SDR42E2: variants seen among roughly 807,000 people sequenced by gnomAD.
SDR42E2 encodes short chain dehydrogenase/reductase family 42E, member 2.
In SDR42E2, 20 loss-of-function variants were observed where a neutral mutation model predicts 10.5. That is an observed-to-expected ratio of 1.90 (90% CI 1.34 to 2.77). SDR42E2 has a LOEUF of 2.77. Among genes scored for constraint, SDR42E2 ranks in the 30% most tolerant of loss-of-function variants. The pLI, the probability that SDR42E2 is intolerant of heterozygous loss-of-function variation, is 0.00. For synonymous variants in SDR42E2, 72 were observed against 39.2 expected (o/e 1.84, Z -3.12); for missense variants, 162 against 104.2 (o/e 1.55, Z -2.42).
chr16:22,173,312 T>C (rs1402227287), intron 7 of SDR42E2, among the ~76,000 whole-genome samples: 1 of 152,232 alleles, frequency 6.6e-6, no homozygotes, highest in Admixed American at 6.5e-5. Context: ...CTCTGCCTCC[T>C]GGGTTCAATA....
intron 4 of SDR42E2, among the ~76,000 whole-genome samples, chr16:22,167,458 T>C (rs562240619): frequency 6.6e-6 from 1 of 152,286 alleles, no homozygotes; most frequent in South Asian, 2.1e-4. Flanking sequence ...GTGCTGGGAT[T>C]ACAGGCAGGA....
At chr16:22,185,231 T>C (rs1377944387) in intron 11 of SDR42E2, among the ~76,000 whole-genome samples, 2 of 152,084 alleles carry the variant, frequency 1.3e-5, no homozygotes, top group African/African-American at 4.8e-5. Flanking sequence ...GAGGGGATGG[T>C]GGCCCTCCAG....
Position 22,190,490 on chromosome 16 carries a change from GT to G in SDR42E2, c.*100del. 1 of 399,306 alleles carries G rather than the reference GT, an allele frequency of 2.5e-6. No individual in the cohort carries two copies. Among genetic ancestry groups the G allele is most frequent in the Non-Finnish European group, 4.4e-6 (1 of 226,322 alleles). 24.7% of individuals were successfully genotyped at this position (399,306 alleles called of 1,614,324 possible). ...TACCAGCCCCTGCCCCGCCTTCTGG[GT>G]TTGAGCGCGCCTCCGCTCCGCCCCT... is the stretch of plus-strand genomic sequence containing the variant. On this transcript the variant is annotated 3_prime_UTR_variant, in exon 13 of 13. Transcript: ENST00000602312.
At chr16:22,164,785 C>T (rs1294577099) in intron 1 of SDR42E2, among the ~76,000 whole-genome samples, 2 of 152,076 alleles carry the variant, frequency 1.3e-5, no homozygotes, top group Non-Finnish European at 2.9e-5. Flanking sequence ...GTGGATTCTC[C>T]TCCTCCTCCT....
intron 7 of SDR42E2, 119 bp from the exon 8 acceptor site, chr16:22,178,011 G>A (rs2046659383): frequency 1.7e-6 from 1 of 593,118 alleles, no homozygotes; most frequent in African/African-American, 1.9e-5. Flanking sequence ...GAAGCCCCTG[G>A]GCCGGTCTTC....
Position 22,179,236 on chromosome 16 carries a change from G to A in SDR42E2, c.672+1024G>A, listed in dbSNP as rs139631821. Among the ~76,000 whole-genome samples, 268 of 152,168 alleles carry A rather than the reference G, an allele frequency of 1.8e-3. 4 individuals are homozygous for A. In the East Asian group the frequency reaches 0.045, roughly 26 times the overall value. On this transcript the variant is annotated intron_variant, in intron 8 of 12. Coordinates refer to ENST00000602312, the MANE Select transcript of SDR42E2 (RefSeq NM_001394319.2). ...ATTCCTGGCCTCAACCAATCCTCCT[G>A]CCTCAACCTCCCAAGTTGCTGGGAT...
intron 6 of SDR42E2, among the ~76,000 whole-genome samples, chr16:22,171,529 T>C (rs1160982129): frequency 6.6e-6 from 1 of 150,686 alleles, no homozygotes; most frequent in Non-Finnish European, 1.5e-5. Flanking sequence ...TGTTGTTTGT[T>C]TGTTTTGTTT....
chr16:22,165,241 C>G (rs899630957), intron 1 of SDR42E2, among the ~76,000 whole-genome samples: 1 of 152,186 alleles, frequency 6.6e-6, no homozygotes, highest in Non-Finnish European at 1.5e-5. Flanking sequence ...GTGTGCCCCA[C>G]TACACCCGGC....
intron 6 of SDR42E2, among the ~76,000 whole-genome samples, chr16:22,171,171 C>T (rs1015045221): frequency 1.3e-5 from 2 of 152,150 alleles, no homozygotes; most frequent in African/African-American, 4.8e-5. Flanking sequence ...TCAACCTGGC[C>T]GCATTCTACC....
At chr16:22,179,993 C>G (rs1313128388) in intron 8 of SDR42E2, among the ~76,000 whole-genome samples, 1 of 152,024 alleles carries the variant, frequency 6.6e-6, no homozygotes, top group Non-Finnish European at 1.5e-5. Flanking sequence ...ACCTTCCAGA[C>G]AGTGGGAACA....
chr16:22,186,756 C>A lies in SDR42E2; in HGVS notation c.976C>A (p.Pro326Thr). Residue 326 changes from proline (P) to threonine (T), a missense_variant, in exon 12 of 13, where the codon CCC becomes ACC. Physicochemically the swap from Pro to Thr is conservative, Grantham distance 38 (BLOSUM62 -1). Coordinates refer to ENST00000602312, the MANE Select transcript of SDR42E2 (RefSeq NM_001394319.2). ...GGAGCGCCTCCATCTGGCCCTGAGA[C>A]CCATCTGCAGCCTCCCACCGCTGCT... The part of the protein sequence containing the change: ...VMERLHLALR[P>T]ICSLPPLLTR... 2.5e-6 allele frequency: 1 copy of A among 401,178 alleles called. No individual in the cohort carries two copies. The allele number at this position is 401,178 out of a possible 1,614,324, so 24.9% of individuals were successfully genotyped here.
At chr16:22,170,058 A>C (rs1224750849) in intron 5 of SDR42E2, among the ~76,000 whole-genome samples, 1 of 151,590 alleles carries the variant, frequency 6.6e-6, no homozygotes, top group Non-Finnish European at 1.5e-5. Flanking sequence ...ATAAAATTTA[A>C]AAATAAATAA....
intron 12 of SDR42E2, 142 bp downstream of exon 12, chr16:22,186,936 A>G: frequency 2.5e-6 from 1 of 393,030 alleles, no homozygotes. Context: ...AGAACTTTCC[A>G]TGTGGGCCCA....
chr16:22,189,748 T>C (rs553129135), intron 12 of SDR42E2, among the ~76,000 whole-genome samples: 25 of 152,292 alleles, frequency 1.6e-4, no homozygotes, highest in Middle Eastern at 3.4e-3. Context: ...TGCAGATGTT[T>C]CTGGCAGGCG....
intron 5 of SDR42E2, among the ~76,000 whole-genome samples, chr16:22,170,419 G>A (rs1056028651): frequency 2.0e-5 from 3 of 152,072 alleles, no homozygotes; most frequent in Non-Finnish European, 4.4e-5. Flanking sequence ...CACCAAAATC[G>A]CAGACCCATG....
chr16:22,166,918 TGAA>T lies in SDR42E2; in HGVS notation c.260_262del (p.Glu87del), dbSNP rs750486393. ...CTCTGGTGCAGGCTGATGTCCGAGA[TGAA>T]GAAGCCCTGTACCGTGCCTTCGAAG... On this transcript the variant is annotated inframe_deletion, in exon 4 of 13. Coordinates refer to ENST00000602312, the MANE Select transcript of SDR42E2 (RefSeq NM_001394319.2). 13 of 677,256 alleles carry T rather than the reference TGAA, an allele frequency of 1.9e-5. No individual in the cohort carries two copies. In the South Asian group the frequency reaches 2.0e-4, roughly 10 times the overall value. 42.0% of individuals were successfully genotyped at this position (677,256 alleles called of 1,614,324 possible).
At position 22,172,770 on chromosome 16, in the gene SDR42E2, T is replaced by G. The variant is rs561382232; in HGVS notation, c.589+439T>G. Among the ~76,000 whole-genome samples the G allele has an allele frequency of 3.9e-5, 6 of 152,212 alleles. No individual in the cohort carries two copies. In the East Asian group the frequency reaches 1.2e-3, roughly 29 times the overall value. The stretch of plus-strand genomic sequence containing the variant: ...CAGCAACTTCCCAGTAGAGTCTACC[T>G]TGGCTGTCTTAGTTATTTATTTGTT... On this transcript the variant is annotated intron_variant, in intron 7 of 12. Coordinates refer to ENST00000602312, the MANE Select transcript of SDR42E2 (RefSeq NM_001394319.2).
In SDR42E2 at chr16:22,190,223, G is replaced by T. The variant is rs1282070933; in HGVS notation, c.1099G>T (p.Ala367Ser). The T allele has an allele frequency of 2.5e-6, 1 of 401,120 alleles. No homozygotes were observed. The highest frequency in any genetic ancestry group is 4.4e-6 in the Non-Finnish European group (1 of 226,128). The allele number at this position is 401,120 out of a possible 1,614,324, so 24.8% of individuals were successfully genotyped here. ...LGYAPDKFRF[A>S]DAVELYVQST... ...CTACGCGCCGGATAAGTTTAGGTTC[G>T]CCGACGCCGTGGAGCTATACGTGCA... The change falls in exon 13 of 13, where the codon GCC (alanine) becomes TCC (serine). Residue 367 changes from alanine to serine, a missense_variant. Physicochemically the swap from Ala to Ser is moderately conservative, Grantham distance 99 (BLOSUM62 1). Coordinates refer to ENST00000602312, the MANE Select transcript of SDR42E2 (RefSeq NM_001394319.2).
chr16:22,168,878 AAAT>A (rs898194971), intron 4 of SDR42E2, among the ~76,000 whole-genome samples: 3 of 152,112 alleles, frequency 2.0e-5, no homozygotes, highest in Admixed American at 6.6e-5. Flanking sequence ...GGTCTCAAAA[AAAT>A]AATAATAATA....
Sources: gnomAD v4.1 joint callset for allele counts (sites outside exome capture counted in the v4.1 genomes callset) on GRCh38, gnomAD v4.1.1 for gene constraint, MANE v1.5 for transcripts, NCBI Gene and HGNC (gene_info 2026-07-23, HGNC 2026-07-21) for gene names.